MAGI2: variants seen among roughly 807,000 people sequenced by gnomAD.
MAGI2 encodes the protein membrane associated guanylate kinase, WW and PDZ domain containing 2.
A neutral mutation model predicts 133.3 loss-of-function variants in MAGI2; 35 were observed. That is an observed-to-expected ratio of 0.26 (90% CI 0.20 to 0.35). The LOEUF (loss-of-function observed/expected upper bound fraction) is 0.35. MAGI2 is among the 10% of genes least tolerant of loss of function. MAGI2 has a pLI of 1.00. For missense variants in MAGI2, 1,636 were observed against 1,863.4 expected (o/e 0.88, Z 2.25); for synonymous variants, 729 against 710.6 (o/e 1.03, Z -0.41).
intron 2 of MAGI2, among the ~76,000 whole-genome samples, chr7:78,808,749 A>G (rs1476139884): frequency 6.6e-6 from 1 of 152,216 alleles, no homozygotes; most frequent in African/African-American, 2.4e-5. Flanking sequence ...AGGGTGAACC[A>G]CACAGTCCTT....
At chr7:78,332,588 C>T (rs1345435845) in intron 9 of MAGI2, among the ~76,000 whole-genome samples, 2 of 151,718 alleles carry the variant, frequency 1.3e-5, no homozygotes, top group Non-Finnish European at 2.9e-5. Context: ...GTCCCAGCTA[C>T]TCAGGAGGCT....
chr7:78,838,038 A>T (rs1379064278), intron 2 of MAGI2, among the ~76,000 whole-genome samples: 1 of 151,972 alleles, frequency 6.6e-6, no homozygotes, highest in African/African-American at 2.4e-5. Context: ...TTGTAGATTG[A>T]CTCTCCTCAT....
chr7:79,202,764 G>A (rs1459736464), intron 1 of MAGI2, among the ~76,000 whole-genome samples: 1 of 151,886 alleles, frequency 6.6e-6, no homozygotes, highest in Non-Finnish European at 1.5e-5. Flanking sequence ...TCTCATTCCT[G>A]TTGTAACCAA....
intron 2 of MAGI2, among the ~76,000 whole-genome samples, chr7:78,997,751 G>A (rs1806458102): frequency 6.6e-6 from 1 of 152,004 alleles, no homozygotes; most frequent in Non-Finnish European, 1.5e-5. Flanking sequence ...TAAAGTCCTT[G>A]ATTACACTAA....
intron 2 of MAGI2, among the ~76,000 whole-genome samples, chr7:78,899,600 G>A (rs1227212764): frequency 6.6e-6 from 1 of 152,114 alleles, no homozygotes; most frequent in Non-Finnish European, 1.5e-5. Flanking sequence ...ATGATATAAT[G>A]TGTGTACTGC....
intron 2 of MAGI2, among the ~76,000 whole-genome samples, chr7:78,966,694 G>C (rs189543467): frequency 1.9e-4 from 29 of 152,094 alleles, no homozygotes; most frequent in Non-Finnish European, 4.4e-5. Context: ...ACACCCAGAA[G>C]TGGGATTGTT....
At chr7:78,637,144 T>TACTC in intron 2 of MAGI2, among the ~76,000 whole-genome samples, 1 of 152,264 alleles carries the variant, frequency 6.6e-6, no homozygotes, top group Non-Finnish European at 1.5e-5. Flanking sequence ...GGCCCTGGAG[T>TACTC]ACTCTATAGC....
At chr7:79,069,057 G>T (rs1420990731) in intron 1 of MAGI2, among the ~76,000 whole-genome samples, 1 of 151,846 alleles carries the variant, frequency 6.6e-6, no homozygotes, top group Non-Finnish European at 1.5e-5. Flanking sequence ...GTGTAGTGCT[G>T]AGAAGAATGT....
At chr7:78,705,147 A>C (rs184475410) in intron 2 of MAGI2, among the ~76,000 whole-genome samples, 4 of 152,150 alleles carry the variant, frequency 2.6e-5, no homozygotes, top group Admixed American at 2.6e-4. Context: ...TCTTATCTTG[A>C]ATTGTAATCC....
chr7:78,641,428 T>C (rs1810293948), intron 2 of MAGI2, among the ~76,000 whole-genome samples: 2 of 152,182 alleles, frequency 1.3e-5, no homozygotes, highest in African/African-American at 4.8e-5. Context: ...GGACACATAA[T>C]ACATAAACAA....
intron 6 of MAGI2, chr7:78,486,858 C>A: frequency 2.0e-6 from 1 of 499,184 alleles, no homozygotes; most frequent in Non-Finnish European, 4.0e-6. Flanking sequence ...CAAAGATGTA[C>A]AGAGGTGGCA....
chr7:79,378,354 T>C (rs1286401131), intron 1 of MAGI2, among the ~76,000 whole-genome samples: 5 of 151,822 alleles, frequency 3.3e-5, no homozygotes, highest in African/African-American at 1.2e-4. Context: ...GTAAAACTTC[T>C]GTGAGGTACA....
chr7:78,646,432 A>T (rs780525408), intron 2 of MAGI2, among the ~76,000 whole-genome samples: 7 of 152,346 alleles, frequency 4.6e-5, no homozygotes, highest in African/African-American at 1.7e-4. Context: ...TTGTAAGTGC[A>T]TGTATATATG....
At chr7:78,529,937 A>G (rs979292112) in intron 3 of MAGI2, among the ~76,000 whole-genome samples, 1 of 151,760 alleles carries the variant, frequency 6.6e-6, no homozygotes, top group Non-Finnish European at 1.5e-5. Context: ...AGTTACTGTA[A>G]TATTTTATTA....
intron 1 of MAGI2, among the ~76,000 whole-genome samples, chr7:79,082,878 CT>C (rs1209449193): frequency 2.6e-5 from 4 of 151,616 alleles, no homozygotes; most frequent in African/African-American, 4.8e-5. Flanking sequence ...TCTTCTTTTA[CT>C]TTTTTTCAGC....
chr7:78,139,440 A>G (rs1470455868), intron 16 of MAGI2, among the ~76,000 whole-genome samples: 1 of 152,194 alleles, frequency 6.6e-6, no homozygotes, highest in Admixed American at 6.5e-5. Flanking sequence ...CTCAGTGATA[A>G]GGTCTACAGA....
chr7:78,765,131 AG>A (rs370347636), intron 2 of MAGI2, among the ~76,000 whole-genome samples: 6 of 152,278 alleles, frequency 3.9e-5, no homozygotes, highest in African/African-American at 1.4e-4. Context: ...CAAGCACTCA[AG>A]TGTGATTTCT....
chr7:78,487,859 A>G (rs965854481), intron 6 of MAGI2, among the ~76,000 whole-genome samples: 1 of 152,114 alleles, frequency 6.6e-6, no homozygotes, highest in African/African-American at 2.4e-5. Context: ...TGTGGCACAT[A>G]TGAAGAATCA....
chr7:78,178,479 G>A (rs184037491), intron 13 of MAGI2, among the ~76,000 whole-genome samples: 20 of 152,200 alleles, frequency 1.3e-4, no homozygotes, highest in East Asian at 1.9e-4. Flanking sequence ...CAATTATTGC[G>A]CAAGTAAGAG....
Sources: allele counts gnomAD v4.1 joint callset (sites outside exome capture counted in the v4.1 genomes callset), GRCh38; gene constraint gnomAD v4.1.1; transcripts MANE v1.5; gene names NCBI Gene and HGNC (gene_info 2026-07-23, HGNC 2026-07-21).